The following TTC23L variants were observed in gnomAD, a reference collection of about 807,000 sequenced individuals.
TTC23L encodes tetratricopeptide repeat protein 23-like.
A neutral mutation model predicts 48.1 loss-of-function variants in TTC23L; 42 were observed. The observed-to-expected ratio is 0.87, with a 90% CI of 0.68 to 1.13. The LOEUF (loss-of-function observed/expected upper bound fraction) is 1.13. TTC23L is among the 50% of genes most tolerant of loss of function. The pLI, the probability that TTC23L is intolerant of heterozygous loss-of-function variation, is 0.00. For synonymous variants in TTC23L, 159 were observed against 157.2 expected (o/e 1.01, Z -0.09); for missense variants, 391 against 421.0 (o/e 0.93, Z 0.62).
intron 9 of TTC23L, among the ~76,000 whole-genome samples, chr5:34,893,020 C>A (rs1762972081): frequency 6.6e-6 from 1 of 152,044 alleles, no homozygotes; most frequent in Non-Finnish European, 1.5e-5. Context: ...ATAGATGGTA[C>A]CTAGGGAGAA....
At chr5:34,913,348 G>T in the TTC23L span, 1 of 491,940 alleles carries the variant, frequency 2.0e-6, no homozygotes, top group Non-Finnish European at 3.7e-6. Flanking sequence ...CCATGACTGT[G>T]GCCACTGAAA....
At chr5:34,862,947 G>C in exon 5 of TTC23L, 1 of 1,613,988 alleles carries the variant, frequency 6.2e-7, no homozygotes, top group African/African-American at 1.3e-5. Flanking sequence ...AGAATACACT[G>C]TTGACCTGGA....
the TTC23L span, chr5:34,923,015 A>G: frequency 3.3e-6 from 5 of 1,536,530 alleles, 1 homozygote; most frequent in African/African-American, 6.8e-5. Flanking sequence ...TTGATGAATT[A>G]CCACATTATG....
intron 9 of TTC23L, among the ~76,000 whole-genome samples, chr5:34,889,330 GT>G (rs144762348): frequency 0.048 from 7,283 of 152,252 alleles, 246 homozygotes; most frequent in South Asian, 0.1. Context: ...TCAAATAAGT[GT>G]GACTCTAAAG....
intron 2 of TTC23L, among the ~76,000 whole-genome samples, chr5:34,840,969 C>G (rs374026441): frequency 6.6e-6 from 1 of 151,964 alleles, no homozygotes. Context: ...AATAGCTGAA[C>G]CCGGAGGCAG....
chr5:34,862,780 A>G (rs1424861373), intron 4 of TTC23L, 118 bp from the exon 5 acceptor site: 4 of 1,190,648 alleles, frequency 3.4e-6, no homozygotes, highest in Non-Finnish European at 4.7e-6. Flanking sequence ...TTAGGAACCA[A>G]TGCTATAGAC....
At chr5:34,840,246 G>GT (rs1054742613) in intron 1 of TTC23L, among the ~76,000 whole-genome samples, 1 of 142,488 alleles carries the variant, frequency 7.0e-6, no homozygotes, top group Non-Finnish European at 1.5e-5. Context: ...CCGGGGGGGG[G>GT]GGGGAAAGCA....
intron 3 of TTC23L, among the ~76,000 whole-genome samples, chr5:34,848,476 A>T (rs1422931087): frequency 6.6e-6 from 1 of 152,202 alleles, no homozygotes; most frequent in Non-Finnish European, 1.5e-5. Flanking sequence ...CTTATCTTCT[A>T]TTTGGGGAGA....
intron 8 of TTC23L, chr5:34,869,281 T>C (rs1339474375): frequency 2.6e-6 from 1 of 379,894 alleles, no homozygotes; most frequent in South Asian, 2.3e-5. Flanking sequence ...TCTTAACTAA[T>C]AGATATCACA....
chr5:34,917,296 C>T, the TTC23L span, among the ~76,000 whole-genome samples: 2 of 152,144 alleles, frequency 1.3e-5, no homozygotes, highest in African/African-American at 4.8e-5. Context: ...GTCATTTGAA[C>T]TTTGTTTAGA....
chr5:34,842,594 G>A (rs1201023052), intron 2 of TTC23L, among the ~76,000 whole-genome samples: 1 of 152,128 alleles, frequency 6.6e-6, no homozygotes. Context: ...GTGAGAAGGG[G>A]GGTGGAAGAA....
At chr5:34,902,168 A>G (rs1377733674), downstream of TTC23L, among the ~76,000 whole-genome samples, 1 of 152,176 alleles carries the variant, frequency 6.6e-6, no homozygotes, top group African/African-American at 2.4e-5. Flanking sequence ...TTAAGCCTGT[A>G]ATCCCAGCAC....
intron 6 of TTC23L, among the ~76,000 whole-genome samples, chr5:34,865,601 G>A (rs1760992483): frequency 6.6e-6 from 1 of 152,172 alleles, no homozygotes; most frequent in African/African-American, 2.4e-5. Context: ...TGTTCTAAGT[G>A]TTAGAGTGCC....
In TTC23L at chr5:34,879,864, C is replaced by T. The variant is rs181528584; in HGVS notation, c.950-317C>T. Among the ~76,000 whole-genome samples, 256 of 152,134 alleles carry T rather than the reference C, an allele frequency of 1.7e-3. 1 individual carries two copies. Among genetic ancestry groups the T allele is most frequent in the African/African-American group, 5.9e-3 (244 of 41,516 alleles). ...TACAAAAATTAGCCGGGCATGGTGG[C>T]GCACACGTGTAGTTCCAGCTACTCG... On this transcript the variant is annotated intron_variant, in intron 8 of 10. Coordinates refer to ENST00000505624, the Ensembl canonical transcript of TTC23L.
the TTC23L span, among the ~76,000 whole-genome samples, chr5:34,923,743 G>A: frequency 2.6e-5 from 4 of 152,276 alleles, no homozygotes; most frequent in South Asian, 8.3e-4. Context: ...GATATACAGG[G>A]TTTGCATACA....
At chr5:34,877,219 A>G (rs963082757) in intron 8 of TTC23L, among the ~76,000 whole-genome samples, 2 of 152,202 alleles carry the variant, frequency 1.3e-5, no homozygotes, top group African/African-American at 2.4e-5. Flanking sequence ...TCACATAATC[A>G]TATCAATAGA....
intron 8 of TTC23L, among the ~76,000 whole-genome samples, chr5:34,878,649 C>T (rs1762016931): frequency 6.6e-6 from 1 of 152,298 alleles, no homozygotes; most frequent in South Asian, 2.1e-4. Flanking sequence ...AATCATCTTA[C>T]TGTAGTCACA....
exon 3 of TTC23L, chr5:34,845,664 G>A (rs1353211340): frequency 1.9e-6 from 3 of 1,597,124 alleles, no homozygotes; most frequent in East Asian, 4.5e-5. Context: ...AGCTGATTAA[G>A]GAAAAAATGG....
chr5:34,885,114 C>A (rs1203936857), intron 9 of TTC23L, among the ~76,000 whole-genome samples: 2 of 152,174 alleles, frequency 1.3e-5, no homozygotes, highest in Admixed American at 6.5e-5. Flanking sequence ...CCAGTGCATA[C>A]TTAATTTATT....
Sources: allele counts gnomAD v4.1 joint callset (sites outside exome capture counted in the v4.1 genomes callset), GRCh38; gene constraint gnomAD v4.1.1; transcripts MANE v1.5; gene names NCBI Gene and HGNC (gene_info 2026-07-23, HGNC 2026-07-21).